The following TAF6 variants were observed in gnomAD, a reference collection of about 807,000 sequenced individuals.
TAF6 encodes TATA-box binding protein associated factor 6.
TAF6 carries 50 observed loss-of-function variants against 73.5 expected under a neutral mutation model. The ratio of observed to expected loss-of-function variants is 0.68; its 90% confidence interval spans 0.54 to 0.86. The LOEUF is 0.86. Among genes scored for constraint, TAF6 ranks in the 40% least tolerant of loss-of-function variants. TAF6 has a pLI of 0.00. For synonymous variants in TAF6, 424 were observed against 376.7 expected, an observed-to-expected ratio of 1.13 and a Z score of -1.45; for missense variants, 768 against 899.5, an observed-to-expected ratio of 0.85 and a Z score of 1.87.
rs774840126 is a variant in TAF6 at position 100,110,262 on chromosome 7, C to T, written c.1096G>A (p.Glu366Lys). 24 of 1,613,974 alleles carry T rather than the reference C, an allele frequency of 1.5e-5. No individual in the cohort carries two copies. The highest frequency in any genetic ancestry group is 1.9e-5 in the Non-Finnish European group (23 of 1,179,982). Reference protein sequence around the residue: ...TKTFTKSWVDEKTPWTTRYGS... With the variant: ...TKTFTKSWVDKKTPWTTRYGS... Reference sequence around the variant, plus strand: ...TAACGAGTCGTCCAGGGCGTCTTCTCGTCCACCCAGCTCTGTAAGGGGAAG... The same window carrying T: ...TAACGAGTCGTCCAGGGCGTCTTCTTGTCCACCCAGCTCTGTAAGGGGAAG... Residue 366 changes from glutamate (E) to lysine (K), a missense_variant, in exon 11 of 15, where the codon GAG becomes AAG. Physicochemically the swap from Glu to Lys is moderately conservative, Grantham distance 56 (BLOSUM62 1). Transcript: ENST00000453269.
upstream of TAF6, chr7:100,124,639 T>G (rs1798164772): frequency 4.3e-6 from 7 of 1,612,204 alleles, no homozygotes; most frequent in Non-Finnish European, 5.1e-6. Context: ...CTGGTAAGCG[T>G]AAGGGTTGAA....
chr7:100,108,379 C>T lies in TAF6; in HGVS notation c.1446G>A (p.Leu482=). The part of the protein sequence containing the change: ...LQAQQVNRTT[L]TITQPRPTLT... ...CCCGGCCACGGACCTGCGTGATGGT[C>T]AGAGTGGTCCTGTTGACCTGCTGAG... is the stretch of plus-strand genomic sequence containing the variant. Residue 482 remains leucine, a synonymous_variant, in exon 13 of 15, where the codon CTG becomes CTA. Transcript: ENST00000453269. The T allele has an allele frequency of 6.2e-7, 1 of 1,606,404 alleles. No individual in the cohort carries two copies.
upstream of TAF6, among the ~76,000 whole-genome samples, chr7:100,121,667 A>G (rs1562938803): frequency 7.0e-6 from 1 of 143,404 alleles, no homozygotes; most frequent in African/African-American, 2.6e-5. Context: ...CTGGTCTTGA[A>G]CTCCTCAAGT....
chr7:100,123,661 C>T (rs1258675092), upstream of TAF6, among the ~76,000 whole-genome samples: 2 of 152,064 alleles, frequency 1.3e-5, no homozygotes, highest in African/African-American at 2.4e-5. Context: ...GCTGGGATTA[C>T]AGGCCCCTGC....
chr7:100,122,218 T>G, upstream of TAF6: 3 of 1,611,116 alleles, frequency 1.9e-6, no homozygotes, highest in Non-Finnish European at 2.5e-6. Flanking sequence ...GCTGGTGTGT[T>G]TGTCTTTTAC....
At chr7:100,122,424 G>A (rs745931725), upstream of TAF6, 87 of 1,613,896 alleles carry the variant, frequency 5.4e-5, no homozygotes, top group East Asian at 7.4e-4. Flanking sequence ...AACCCCCAAC[G>A]GAGCCCTGGG....
rs553416105 is a variant in TAF6 at position 100,114,581 on chromosome 7, G to A, written c.-59-313C>T. On this transcript the variant is annotated intron_variant, in intron 1 of 14. Coordinates refer to ENST00000453269, the MANE Select transcript of TAF6 (RefSeq NM_139315.3). ...CTAAAAATACAAAAATTAGCAGGGC[G>A]TGGTAGTGCACACCTGTAATCCCAG... The A allele has an allele frequency of 4.0e-4, 227 of 569,096 alleles. 3 individuals are homozygous for A. In the South Asian group the frequency reaches 4.4e-3, roughly 11 times the overall value. The allele number at this position is 569,096 out of a possible 1,614,324, so 35.3% of individuals were successfully genotyped here.
intron 9 of TAF6, 52 bp from the exon 10 acceptor site, chr7:100,111,373 G>C: frequency 6.3e-7 from 1 of 1,584,960 alleles, no homozygotes. Context: ...GTCTGCTTGA[G>C]ATAAAGTCTT....
chr7:100,122,218 TTGTC>T (rs749092095), upstream of TAF6: 1 of 1,611,116 alleles, frequency 6.2e-7, no homozygotes, highest in Non-Finnish European at 8.5e-7. Context: ...GCTGGTGTGT[TTGTC>T]TTTTACCTCC....
the TAF6 span, chr7:100,124,932 C>A: frequency 1.3e-6 from 2 of 1,535,590 alleles, no homozygotes; most frequent in South Asian, 1.3e-5. Flanking sequence ...TCATGGAGAG[C>A]CCTCTAAAGC....
Position 100,113,924 on chromosome 7 carries a change from G to T in TAF6, c.187C>A (p.Arg63=). Reference sequence around the variant, plus strand: ...ATGTCACTGGTGGTGAGCTTCTGCCGCTTCCCCATGTGCATGAACTTCAAG... The same window carrying T: ...ATGTCACTGGTGGTGAGCTTCTGCCTCTTCCCCATGTGCATGAACTTCAAG... The part of the protein sequence containing the change: ...DALKFMHMGK[R]QKLTTSDIDY... Residue 63 remains arginine, a synonymous_variant, in exon 3 of 15, where the codon CGG becomes AGG. Transcript: ENST00000453269. 6.2e-7 allele frequency: 1 copy of T among 1,613,720 alleles called. No homozygotes were observed.
chr7:100,123,755 G>A (rs573281507), upstream of TAF6, among the ~76,000 whole-genome samples: 110 of 152,242 alleles, frequency 7.2e-4, no homozygotes, highest in African/African-American at 2.5e-3. Context: ...CCTGACCTCA[G>A]GTGATCCACC....
At chr7:100,118,704 T>C (rs184725963) in intron 1 of TAF6, 61 of 250,172 alleles carry the variant, frequency 2.4e-4, no homozygotes, top group Non-Finnish European at 3.0e-4. Flanking sequence ...CAGTTGGACA[T>C]TAGGAAGATT....
chr7:100,108,733 T>C, intron 12 of TAF6, 193 bp from the exon 13 acceptor site: 1 of 539,624 alleles, frequency 1.9e-6, no homozygotes, highest in Non-Finnish European at 3.1e-6. Flanking sequence ...GTGGGCTTTC[T>C]CATAAGAAAA....
At chr7:100,123,598 G>T (rs1307126382), upstream of TAF6, among the ~76,000 whole-genome samples, 1 of 151,930 alleles carries the variant, frequency 6.6e-6, no homozygotes, top group Admixed American at 6.6e-5. Flanking sequence ...TCGGCTCACC[G>T]CGACCTCCGC....
chr7:100,111,401 G>A (rs2116777119), intron 9 of TAF6, 80 bp from the exon 10 acceptor site: 1 of 1,492,982 alleles, frequency 6.7e-7, no homozygotes, highest in East Asian at 2.3e-5. Flanking sequence ...CACCCAGGCT[G>A]GTGTGCAGGG....
At chr7:100,111,058 C>T in intron 10 of TAF6, 81 bp downstream of exon 10, 1 of 1,518,262 alleles carries the variant, frequency 6.6e-7, no homozygotes, top group Non-Finnish European at 9.0e-7. Context: ...CTTCCCTCTG[C>T]CCCCTTGTTT....
chr7:100,125,123 T>G, the TAF6 span: 1 of 502,064 alleles, frequency 2.0e-6, no homozygotes, highest in South Asian at 3.3e-5. Context: ...TCCAGCCCCT[T>G]AATTGGCAGG....
At chr7:100,119,602 C>T (rs749270795), upstream of TAF6, 5 of 1,534,164 alleles carry the variant, frequency 3.3e-6, no homozygotes, top group East Asian at 2.3e-5. Context: ...GAGGCCCCAC[C>T]CTTGTTGGGC....
Sources: allele counts gnomAD v4.1 joint callset (sites outside exome capture counted in the v4.1 genomes callset), GRCh38; gene constraint gnomAD v4.1.1; transcripts MANE v1.5; gene names NCBI Gene and HGNC (gene_info 2026-07-23, HGNC 2026-07-21).